HMGCLL1: variants seen among roughly 807,000 people sequenced by gnomAD.
HMGCLL1 encodes the protein 3-hydroxy-3-methylglutaryl-CoA lyase like 1, also known as 3-hydroxymethyl-3-methylglutaryl-CoA lyase, cytoplasmic.
In HMGCLL1, 36 loss-of-function variants were observed where a neutral mutation model predicts 39.1. The observed-to-expected ratio is 0.92, with a 90% confidence interval of 0.71 to 1.22. The LOEUF (loss-of-function observed/expected upper bound fraction) is 1.22, where lower values mean the gene tolerates loss of function less well. Ranked by LOEUF, HMGCLL1 falls within the 50% of genes most tolerant of loss-of-function variation. HMGCLL1 has a pLI of 0.00. For missense variants in HMGCLL1, 451 were observed against 416.5 expected (o/e 1.08, Z -0.72); for synonymous variants, 149 against 144.0 (o/e 1.03, Z -0.25).
At chr6:55,500,090 A>G (rs1561920107) in intron 5 of HMGCLL1, among the ~76,000 whole-genome samples, 1 of 152,182 alleles carries the variant, frequency 6.6e-6, no homozygotes, top group East Asian at 1.9e-4. Context: ...CATAACGAGT[A>G]TGATATTTAG....
chr6:55,473,458 C>T (rs537379662), intron 7 of HMGCLL1, among the ~76,000 whole-genome samples: 2 of 151,316 alleles, frequency 1.3e-5, no homozygotes, highest in South Asian at 4.2e-4. Flanking sequence ...TAACTAAAGT[C>T]CACCTTCAAA....
At chr6:55,443,389 CG>C (rs1249010589) in intron 7 of HMGCLL1, among the ~76,000 whole-genome samples, 1 of 152,154 alleles carries the variant, frequency 6.6e-6, no homozygotes, top group Admixed American at 6.6e-5. Flanking sequence ...CTGGAATCCA[CG>C]TATCATGTTC....
the HMGCLL1 span, among the ~76,000 whole-genome samples, chr6:55,634,716 T>C: frequency 4.6e-5 from 7 of 152,108 alleles, no homozygotes; most frequent in Non-Finnish European, 5.9e-5. Context: ...GAGTAAATTA[T>C]TCACCCATAT....
intron 8 of HMGCLL1, among the ~76,000 whole-genome samples, chr6:55,437,650 C>A (rs1561880227): frequency 6.6e-6 from 1 of 151,980 alleles, no homozygotes; most frequent in Non-Finnish European, 1.5e-5. Flanking sequence ...TGTGATAGAG[C>A]ACAGGCTTCC....
At chr6:55,646,592 T>C in the HMGCLL1 span, among the ~76,000 whole-genome samples, 1 of 151,970 alleles carries the variant, frequency 6.6e-6, no homozygotes, top group Non-Finnish European at 1.5e-5. Context: ...CATTTTGTGT[T>C]TCCATCATAA....
chr6:55,494,419 A>G (rs922812200), intron 7 of HMGCLL1, among the ~76,000 whole-genome samples: 1 of 152,178 alleles, frequency 6.6e-6, no homozygotes, highest in African/African-American at 2.4e-5. Flanking sequence ...AAACTAGAAT[A>G]CCTAGGGAAG....
the HMGCLL1 span, among the ~76,000 whole-genome samples, chr6:55,643,150 T>C: frequency 6.6e-6 from 1 of 152,100 alleles, no homozygotes; most frequent in African/African-American, 2.4e-5. Context: ...TTGTTAGGTA[T>C]ATACCCAGTA....
At chr6:55,523,882 C>T (rs1768169029) in intron 3 of HMGCLL1, among the ~76,000 whole-genome samples, 1 of 151,816 alleles carries the variant, frequency 6.6e-6, no homozygotes, top group African/African-American at 2.4e-5. Context: ...CTGTTTTCAT[C>T]CATGTGAAAT....
chr6:55,610,663 C>T, the HMGCLL1 span, among the ~76,000 whole-genome samples: 2 of 152,088 alleles, frequency 1.3e-5, no homozygotes, highest in Non-Finnish European at 2.9e-5. Flanking sequence ...GGACAACATT[C>T]AAATTCAGGA....
At chr6:55,510,389 C>A (rs1452655012) in intron 5 of HMGCLL1, among the ~76,000 whole-genome samples, 1 of 151,462 alleles carries the variant, frequency 6.6e-6, no homozygotes, top group East Asian at 1.9e-4. Flanking sequence ...TTGGAACCAA[C>A]CCAAATGACC....
chr6:55,631,036 T>C, the HMGCLL1 span, among the ~76,000 whole-genome samples: 1 of 152,104 alleles, frequency 6.6e-6, no homozygotes, highest in South Asian at 2.1e-4. Flanking sequence ...CTGGAAGTCA[T>C]CTTCTTTGGT....
the HMGCLL1 span, among the ~76,000 whole-genome samples, chr6:55,673,986 A>G: frequency 1.3e-5 from 2 of 152,156 alleles, no homozygotes; most frequent in East Asian, 3.9e-4. Context: ...TAACTATTGT[A>G]CTATACAAAA....
At chr6:55,609,450 C>T in the HMGCLL1 span, among the ~76,000 whole-genome samples, 10 of 152,120 alleles carry the variant, frequency 6.6e-5, no homozygotes, top group African/African-American at 2.2e-4. Context: ...CAGACCCTGA[C>T]CCATTCCTTC....
intron 1 of HMGCLL1, among the ~76,000 whole-genome samples, chr6:55,543,167 A>AT (rs1561950461): frequency 0.016 from 132 of 8,068 alleles, 5 homozygotes; most frequent in South Asian, 0.043. Context: ...TTATATATAT[A>AT]ATATATAATA....
chr6:55,510,451 C>T (rs987443442), intron 5 of HMGCLL1, among the ~76,000 whole-genome samples: 2 of 151,320 alleles, frequency 1.3e-5, no homozygotes, highest in Non-Finnish European at 2.9e-5. Flanking sequence ...CCATGGAATA[C>T]TATGCAGCCA....
At chr6:55,548,153 A>G (rs973220001) in intron 1 of HMGCLL1, among the ~76,000 whole-genome samples, 3 of 152,090 alleles carry the variant, frequency 2.0e-5, no homozygotes, top group Non-Finnish European at 4.4e-5. Context: ...TACATCAAAA[A>G]GTAAAGGAAG....
chr6:55,505,598 A>T (rs1050372385), intron 5 of HMGCLL1, among the ~76,000 whole-genome samples: 4 of 151,628 alleles, frequency 2.6e-5, no homozygotes, highest in African/African-American at 9.7e-5. Flanking sequence ...TTTGCTCTAG[A>T]ATACTTGACT....
Position 55,506,724 on chromosome 6 carries a change from T to G in HMGCLL1, c.542+7324A>C, listed in dbSNP as rs1159910440. Among the ~76,000 whole-genome samples, 3 of 151,816 alleles carry G rather than the reference T, an allele frequency of 2.0e-5. No individual in the cohort carries two copies. The East Asian group carries it at 5.8e-4, about 29-fold the overall frequency. On this transcript the variant is annotated intron_variant, in intron 5 of 8. Transcript: ENST00000274901. ...GTGCTTGTGTTTAAGTAACACTTAT[T>G]TTACTTAATGATGGACCCAAAGCCC...
intron 1 of HMGCLL1, among the ~76,000 whole-genome samples, chr6:55,561,920 G>T (rs1304723530): frequency 2.0e-5 from 3 of 151,924 alleles, no homozygotes; most frequent in Non-Finnish European, 4.4e-5. Flanking sequence ...ACTAAATGAT[G>T]GAAGAAATTA....
Sources: allele counts gnomAD v4.1 joint callset (sites outside exome capture counted in the v4.1 genomes callset), GRCh38; gene constraint gnomAD v4.1.1; transcripts MANE v1.5; gene names NCBI Gene and HGNC (gene_info 2026-07-23, HGNC 2026-07-21).